MEMO1: variants seen among roughly 807,000 people sequenced by gnomAD.
The protein encoded by MEMO1 is protein MEMO1.
Under a neutral mutation model 45.2 loss-of-function variants are expected in MEMO1, and 6 were observed. The observed-to-expected ratio is 0.13, with a 90% CI of 0.07 to 0.26. The LOEUF is 0.26. Among genes scored for constraint, MEMO1 ranks in the 10% least tolerant of loss-of-function variants. MEMO1 has a pLI of 1.00. For synonymous variants in MEMO1, 78 were observed against 124.3 expected (o/e 0.63, Z 2.48); for missense variants, 184 against 370.5 (o/e 0.50, Z 4.13).
chr2:31,874,495 T>A (rs548622713), intron 8 of MEMO1, among the ~76,000 whole-genome samples: 1 of 152,252 alleles, frequency 6.6e-6, no homozygotes, highest in South Asian at 2.1e-4. Context: ...GCTAGAAATA[T>A]AAACATTTTG....
rs1156408005 is a variant in MEMO1, at chr2:32,002,144, CAAAAA to C, written c.61+8038_61+8042del. ...TGGGCAACACAGCGAGACTCTGTCTCAAAAAAAAAAAAAAAAAAAAAAAAATATAT... is the reference window on the plus strand; with the variant it reads ...TGGGCAACACAGCGAGACTCTGTCTCAAAAAAAAAAAAAAAAAAAATATAT... On this transcript the variant is annotated intron_variant, in intron 2 of 9. Coordinates refer to ENST00000404530, the MANE Select transcript of MEMO1 (RefSeq NM_001301833.4). Among the ~76,000 whole-genome samples, 130 of 55,674 alleles carry C rather than the reference CAAAAA, an allele frequency of 2.3e-3. 1 individual carries two copies. Among genetic ancestry groups the C allele is most frequent in the East Asian group, 7.8e-3 (17 of 2,188 alleles). 36.5% of individuals were successfully genotyped at this position (55,674 alleles called of 152,430 possible).
intron 2 of MEMO1, among the ~76,000 whole-genome samples, chr2:31,991,795 G>A (rs1192716185): frequency 6.6e-6 from 1 of 152,102 alleles, no homozygotes; most frequent in Non-Finnish European, 1.5e-5. Flanking sequence ...CATACTAGAA[G>A]AGTAAGCACT....
chr2:31,944,650 T>C (rs1452649820), intron 2 of MEMO1, among the ~76,000 whole-genome samples: 4 of 152,210 alleles, frequency 2.6e-5, no homozygotes, highest in Admixed American at 2.0e-4. Flanking sequence ...ATAACTATTA[T>C]AGGTCTCCTA....
At chr2:31,900,373 C>T (rs1326661302) in intron 6 of MEMO1, among the ~76,000 whole-genome samples, 1 of 152,124 alleles carries the variant, frequency 6.6e-6, no homozygotes, top group Non-Finnish European at 1.5e-5. Context: ...AGTTCATGTC[C>T]TTTGCAGGGA....
chr2:31,937,589 T>C (rs997573478), intron 3 of MEMO1, among the ~76,000 whole-genome samples: 2 of 152,212 alleles, frequency 1.3e-5, no homozygotes, highest in South Asian at 4.1e-4. Flanking sequence ...TTTACATTTT[T>C]TAAACTAATT....
intron 6 of MEMO1, among the ~76,000 whole-genome samples, chr2:31,896,680 A>T (rs140857165): frequency 6.6e-6 from 1 of 152,198 alleles, no homozygotes; most frequent in East Asian, 1.9e-4. Context: ...ACTGAATTTA[A>T]CAAAATGAAA....
At chr2:31,890,734 T>C (rs1436632115) in intron 7 of MEMO1, among the ~76,000 whole-genome samples, 2 of 152,160 alleles carry the variant, frequency 1.3e-5, no homozygotes, top group Non-Finnish European at 2.9e-5. Flanking sequence ...CTGGTAATTC[T>C]CTGATGTGGG....
chr2:32,005,237 T>C (rs1673912565), intron 2 of MEMO1, among the ~76,000 whole-genome samples: 1 of 150,966 alleles, frequency 6.6e-6, no homozygotes, highest in Admixed American at 6.6e-5. Context: ...GGAAGACTGC[T>C]TGAGCCCAGG....
At chr2:31,921,558 C>G (rs994118799) in intron 4 of MEMO1, among the ~76,000 whole-genome samples, 16 of 152,114 alleles carry the variant, frequency 1.1e-4, no homozygotes, top group Admixed American at 7.2e-4. Context: ...TATTCAGAAG[C>G]TGTATTTTAT....
chr2:31,875,491 A>T (rs771193891), intron 8 of MEMO1, among the ~76,000 whole-genome samples: 63 of 152,126 alleles, frequency 4.1e-4, no homozygotes, highest in Admixed American at 7.2e-4. Flanking sequence ...CCAAACTTAC[A>T]TCTCTAGTCC....
chr2:31,872,351 T>C (rs1673907996), intron 8 of MEMO1, among the ~76,000 whole-genome samples: 1 of 152,190 alleles, frequency 6.6e-6, no homozygotes, highest in African/African-American at 2.4e-5. Flanking sequence ...ATACATGTTG[T>C]AGGTGAACTT....
chr2:31,950,974 T>C (rs1485904714), intron 2 of MEMO1, among the ~76,000 whole-genome samples: 1 of 152,230 alleles, frequency 6.6e-6, no homozygotes, highest in Non-Finnish European at 1.5e-5. Flanking sequence ...TGATTCAACA[T>C]TTTTTTAAAG....
At chr2:31,890,561 A>C (rs1419521039) in intron 7 of MEMO1, among the ~76,000 whole-genome samples, 1 of 152,192 alleles carries the variant, frequency 6.6e-6, no homozygotes, top group Non-Finnish European at 1.5e-5. Flanking sequence ...CAAACCAGCT[A>C]ACCAATAAAA....
At chr2:31,962,735 A>G (rs1668165312) in intron 2 of MEMO1, among the ~76,000 whole-genome samples, 1 of 152,218 alleles carries the variant, frequency 6.6e-6, no homozygotes, top group African/African-American at 2.4e-5. Context: ...GACTGACAAC[A>G]ATATTTAGGG....
chr2:31,992,811 A>G (rs975196073), intron 2 of MEMO1, among the ~76,000 whole-genome samples: 3 of 152,194 alleles, frequency 2.0e-5, no homozygotes, highest in African/African-American at 7.2e-5. Flanking sequence ...GAATTAATAA[A>G]ATAATAAGGA....
intron 6 of MEMO1, among the ~76,000 whole-genome samples, chr2:31,917,548 C>T (rs1463100078): frequency 6.6e-6 from 1 of 152,120 alleles, no homozygotes; most frequent in Non-Finnish European, 1.5e-5. Flanking sequence ...TGACCTCCAA[C>T]ATTAAATACA....
At chr2:32,004,572 G>A (rs1262599552) in intron 2 of MEMO1, among the ~76,000 whole-genome samples, 1 of 152,188 alleles carries the variant, frequency 6.6e-6, no homozygotes, top group East Asian at 1.9e-4. Flanking sequence ...ACACACTGCT[G>A]GTGGGAGTGT....
At chr2:31,872,748 TTAG>T (rs752637220) in intron 8 of MEMO1, among the ~76,000 whole-genome samples, 5 of 152,158 alleles carry the variant, frequency 3.3e-5, no homozygotes, top group South Asian at 2.1e-4. Context: ...GGCTATAAAC[TTAG>T]TAGTGCAAAA....
At chr2:31,956,217 G>C (rs942236558) in intron 2 of MEMO1, among the ~76,000 whole-genome samples, 1 of 151,584 alleles carries the variant, frequency 6.6e-6, no homozygotes, top group African/African-American at 2.4e-5. Context: ...GGATAATTCA[G>C]TACTCAAATC....
Sources: gnomAD v4.1 joint callset for allele counts (sites outside exome capture counted in the v4.1 genomes callset) on GRCh38, gnomAD v4.1.1 for gene constraint, MANE v1.5 for transcripts, NCBI Gene and HGNC (gene_info 2026-07-23, HGNC 2026-07-21) for gene names.